The following ULK4 variants were observed in gnomAD, a reference collection of about 807,000 sequenced individuals.
ULK4 encodes the protein unc-51 like kinase 4, also known as inactive serine/threonine-protein kinase ULK4.
A neutral mutation model predicts 160.6 loss-of-function variants in ULK4; 133 were observed. The observed-to-expected ratio is 0.83, with a 90% CI of 0.72 to 0.96. The LOEUF is 0.96. ULK4 is among the 40% of genes least tolerant of loss of function. The pLI, the probability that ULK4 is intolerant of heterozygous loss-of-function variation, is 0.00. For synonymous variants in ULK4, 534 were observed against 539.8 expected (o/e 0.99, Z 0.15); for missense variants, 1,580 against 1,499.5 (o/e 1.05, Z -0.89).
chr3:41,911,465 A>T (rs893387776), intron 10 of ULK4, 76 bp downstream of exon 10: 21 of 1,588,798 alleles, frequency 1.3e-5, no homozygotes, highest in Non-Finnish European at 1.8e-5. Context: ...AAAGATTTAA[A>T]GGGACATAAC....
intron 27 of ULK4, among the ~76,000 whole-genome samples, chr3:41,692,795 T>A (rs2036354084): frequency 6.6e-6 from 1 of 152,182 alleles, no homozygotes; most frequent in Non-Finnish European, 1.5e-5. Context: ...TTTTTGAAAA[T>A]GGAAATTCCT....
chr3:41,399,381 T>C (rs1005793126), intron 34 of ULK4, among the ~76,000 whole-genome samples: 16 of 152,158 alleles, frequency 1.1e-4, no homozygotes, highest in Admixed American at 3.3e-4. Context: ...TAAGAGTTCT[T>C]TATATATTTT....
At chr3:41,628,768 G>A (rs957114230) in intron 30 of ULK4, among the ~76,000 whole-genome samples, 3 of 152,180 alleles carry the variant, frequency 2.0e-5, no homozygotes, top group African/African-American at 4.8e-5. Context: ...ACTGATAACC[G>A]TTCTATGGCT....
chr3:41,495,576 A>G (rs1300404771), intron 32 of ULK4, among the ~76,000 whole-genome samples: 1 of 150,880 alleles, frequency 6.6e-6, no homozygotes, highest in African/African-American at 2.4e-5. Flanking sequence ...AAATTGACAA[A>G]TGGGATCTAA....
intron 32 of ULK4, among the ~76,000 whole-genome samples, chr3:41,537,801 T>C (rs1236209727): frequency 6.6e-6 from 1 of 152,124 alleles, no homozygotes; most frequent in African/African-American, 2.4e-5. Flanking sequence ...GTTTTATAAA[T>C]AAGGCAAGTC....
intron 17 of ULK4, among the ~76,000 whole-genome samples, chr3:41,868,702 G>A (rs540087962): frequency 6.6e-6 from 1 of 151,732 alleles, no homozygotes; most frequent in Admixed American, 6.6e-5. Flanking sequence ...TCATCATGTT[G>A]GTCAGAGTGA....
intron 19 of ULK4, among the ~76,000 whole-genome samples, chr3:41,808,723 C>CAAA (rs2040726845): frequency 6.6e-6 from 1 of 152,144 alleles, no homozygotes; most frequent in African/African-American, 2.4e-5. Flanking sequence ...AGTTTTCTGC[C>CAAA]AATATAATTT....
intron 34 of ULK4, among the ~76,000 whole-genome samples, chr3:41,425,867 T>G (rs1444526509): frequency 6.6e-6 from 1 of 152,108 alleles, no homozygotes; most frequent in Non-Finnish European, 1.5e-5. Context: ...AGCAACTACA[T>G]TAACAAGTCT....
intron 27 of ULK4, among the ~76,000 whole-genome samples, chr3:41,695,337 C>T (rs924642243): frequency 6.6e-6 from 1 of 152,036 alleles, no homozygotes; most frequent in Non-Finnish European, 1.5e-5. Flanking sequence ...CTAAGGTGTC[C>T]CAGAAGAGAA....
At chr3:41,824,672 T>G (rs1179952553) in intron 18 of ULK4, among the ~76,000 whole-genome samples, 4 of 152,100 alleles carry the variant, frequency 2.6e-5, no homozygotes, top group African/African-American at 9.7e-5. Context: ...GCCAGGAAGC[T>G]CGAACTGGGT....
At chr3:41,850,162 T>C (rs1166362551) in intron 17 of ULK4, among the ~76,000 whole-genome samples, 1 of 152,218 alleles carries the variant, frequency 6.6e-6, no homozygotes, top group Non-Finnish European at 1.5e-5. Flanking sequence ...TATGGCTGCA[T>C]AGTATTCCAT....
At chr3:41,880,578 G>A (rs1363303103) in intron 17 of ULK4, among the ~76,000 whole-genome samples, 3 of 151,898 alleles carry the variant, frequency 2.0e-5, no homozygotes, top group African/African-American at 4.8e-5. Flanking sequence ...TTGCTGGCTC[G>A]GCACTGTGGG....
intron 32 of ULK4, among the ~76,000 whole-genome samples, chr3:41,480,294 T>C (rs1186569168): frequency 6.6e-6 from 1 of 152,096 alleles, no homozygotes. Flanking sequence ...ATATGTAAGT[T>C]TGCTATAGAT....
At chr3:41,909,092 C>CAAAAA (rs59762077) in intron 11 of ULK4, among the ~76,000 whole-genome samples, 8 of 106,348 alleles carry the variant, frequency 7.5e-5, no homozygotes, top group African/African-American at 3.0e-4. Flanking sequence ...CACTCCATCT[C>CAAAAA]AAAAAAAAAA....
intron 31 of ULK4, among the ~76,000 whole-genome samples, chr3:41,615,409 T>C (rs764137703): frequency 1.3e-5 from 2 of 152,180 alleles, no homozygotes; most frequent in Non-Finnish European, 2.9e-5. Flanking sequence ...AAAATATATA[T>C]TGTGTAATAC....
intron 35 of ULK4, among the ~76,000 whole-genome samples, chr3:41,268,358 G>A (rs1559496490): frequency 6.6e-6 from 1 of 152,092 alleles, no homozygotes; most frequent in African/African-American, 2.4e-5. Flanking sequence ...TTGAAGTCTT[G>A]GACCAGCCTT....
At chr3:41,873,224 CTTT>C (rs1173793427) in intron 17 of ULK4, among the ~76,000 whole-genome samples, 1 of 106,302 alleles carries the variant, frequency 9.4e-6, no homozygotes, top group Non-Finnish European at 1.8e-5. Flanking sequence ...AGTTGCCTTT[CTTT>C]TTTTTTTTTT....
chr3:41,684,872 A>G (rs942941698), intron 27 of ULK4, among the ~76,000 whole-genome samples: 1 of 152,252 alleles, frequency 6.6e-6, no homozygotes. Context: ...GGTTTAAATT[A>G]AAAGAAGGAT....
chr3:41,327,178 G>T (rs1208823571), intron 35 of ULK4, among the ~76,000 whole-genome samples: 1 of 152,030 alleles, frequency 6.6e-6, no homozygotes, highest in Non-Finnish European at 1.5e-5. Flanking sequence ...TTCTAGGAGG[G>T]GGAAAAAAGG....
Sources: gnomAD v4.1 joint callset for allele counts (sites outside exome capture counted in the v4.1 genomes callset) on GRCh38, gnomAD v4.1.1 for gene constraint, MANE v1.5 for transcripts, NCBI Gene and HGNC (gene_info 2026-07-23, HGNC 2026-07-21) for gene names.